ANKRD44: variants seen among roughly 807,000 people sequenced by gnomAD.
The protein encoded by ANKRD44 is ankyrin repeat domain 44.
Under a neutral mutation model 116.0 loss-of-function variants are expected in ANKRD44, and 35 were observed. The observed-to-expected ratio is 0.30, with a 90% CI of 0.23 to 0.40. ANKRD44 has a LOEUF of 0.40. Ranked by LOEUF, ANKRD44 falls within the 10% of genes least tolerant of loss-of-function variation. ANKRD44 has a pLI of 1.00. For synonymous variants in ANKRD44, 435 were observed against 461.8 expected (o/e 0.94, Z 0.74); for missense variants, 1,014 against 1,242.6 (o/e 0.82, Z 2.77).
At chr2:197,159,027 T>C (rs772800451) in intron 2 of ANKRD44, among the ~76,000 whole-genome samples, 1 of 150,478 alleles carries the variant, frequency 6.6e-6, no homozygotes, top group Non-Finnish European at 1.5e-5. Flanking sequence ...ATACACACGG[T>C]ATTAGAAAAA....
chr2:197,146,973 T>G, intron 3 of ANKRD44, 54 bp downstream of exon 3: 3 of 1,514,602 alleles, frequency 2.0e-6, no homozygotes, highest in Non-Finnish European at 2.7e-6. Flanking sequence ...ATCTAGTAAA[T>G]TGGTTATTTA....
chr2:197,186,801 T>C (rs1333530569), intron 2 of ANKRD44, among the ~76,000 whole-genome samples: 1 of 151,886 alleles, frequency 6.6e-6, no homozygotes, highest in Non-Finnish European at 1.5e-5. Context: ...TATTACCATA[T>C]TACAAAGTAT....
At chr2:196,991,547 T>G (rs187080270) in intron 27 of ANKRD44, among the ~76,000 whole-genome samples, 1 of 152,286 alleles carries the variant, frequency 6.6e-6, no homozygotes, top group East Asian at 1.9e-4. Context: ...ACAGGTTGTT[T>G]GTGATTAAAA....
intron 1 of ANKRD44, among the ~76,000 whole-genome samples, chr2:197,231,548 T>C (rs1321965737): frequency 6.6e-6 from 1 of 152,190 alleles, no homozygotes; most frequent in Non-Finnish European, 1.5e-5. Flanking sequence ...TCTAGGCCAG[T>C]GCTTCTCGAC....
intron 8 of ANKRD44, among the ~76,000 whole-genome samples, chr2:197,115,636 G>A (rs1240636620): frequency 1.3e-5 from 2 of 152,260 alleles, no homozygotes; most frequent in South Asian, 2.1e-4. Flanking sequence ...ATGTGGATAG[G>A]TAATGGCTGC....
At chr2:197,240,015 A>C (rs2082056876) in intron 1 of ANKRD44, among the ~76,000 whole-genome samples, 1 of 152,152 alleles carries the variant, frequency 6.6e-6, no homozygotes, top group African/African-American at 2.4e-5. Flanking sequence ...TAATTTCTAC[A>C]TTTCCTAAAA....
chr2:197,103,367 T>C (rs73051310), intron 9 of ANKRD44, among the ~76,000 whole-genome samples: 10,410 of 152,206 alleles, frequency 0.068, 593 homozygotes, highest in African/African-American at 0.15. Flanking sequence ...GTTTTCTTTT[T>C]CAGATATAGA....
chr2:197,249,077 C>A (rs1364159704), intron 1 of ANKRD44, among the ~76,000 whole-genome samples: 2 of 152,002 alleles, frequency 1.3e-5, no homozygotes, highest in Non-Finnish European at 2.9e-5. Context: ...TTGTGACCAG[C>A]CTGGGAAACA....
chr2:197,020,344 T>C (rs1574289495), intron 17 of ANKRD44, among the ~76,000 whole-genome samples: 2 of 152,208 alleles, frequency 1.3e-5, no homozygotes, highest in Non-Finnish European at 2.9e-5. Context: ...TACTTTCTTC[T>C]ATACCAGGCA....
At chr2:197,038,330 A>C (rs1045224293) in intron 16 of ANKRD44, among the ~76,000 whole-genome samples, 1 of 93,078 alleles carries the variant, frequency 1.1e-5, no homozygotes, top group African/African-American at 2.7e-5. Flanking sequence ...TGCGCTTAGA[A>C]AAATAAAAGT....
At chr2:197,190,861 G>A in intron 1 of ANKRD44, among the ~76,000 whole-genome samples, 1 of 152,156 alleles carries the variant, frequency 6.6e-6, no homozygotes, top group East Asian at 1.9e-4. Flanking sequence ...CCAAGCCTTG[G>A]CATATACAGA....
intron 8 of ANKRD44, among the ~76,000 whole-genome samples, chr2:197,113,865 C>A (rs1013654727): frequency 6.6e-6 from 1 of 152,102 alleles, no homozygotes; most frequent in Non-Finnish European, 1.5e-5. Flanking sequence ...TGAGTCCAGG[C>A]TATAGCTGAT....
At chr2:197,023,992 G>A (rs1156277823) in intron 17 of ANKRD44, among the ~76,000 whole-genome samples, 1 of 152,212 alleles carries the variant, frequency 6.6e-6, no homozygotes, top group Non-Finnish European at 1.5e-5. Flanking sequence ...GGGTGTCAGA[G>A]GACGTGTGAG....
At chr2:197,159,321 C>T (rs146345849) in intron 2 of ANKRD44, among the ~76,000 whole-genome samples, 5 of 152,122 alleles carry the variant, frequency 3.3e-5, no homozygotes, top group Admixed American at 2.6e-4. Flanking sequence ...GTTTTCTGGC[C>T]GAAGATATCA....
intron 4 of ANKRD44, among the ~76,000 whole-genome samples, chr2:197,128,498 G>A (rs756349930): frequency 7.2e-5 from 11 of 152,032 alleles, no homozygotes; most frequent in Non-Finnish European, 1.5e-4. Context: ...TTTATTTCTT[G>A]ATAAATTTGT....
chr2:197,122,508 T>C, intron 7 of ANKRD44, 142 bp downstream of exon 7: 1 of 1,044,638 alleles, frequency 9.6e-7, no homozygotes, highest in South Asian at 1.7e-5. Flanking sequence ...CTTCATCAGT[T>C]GCCCACAAAA....
intron 16 of ANKRD44, among the ~76,000 whole-genome samples, chr2:197,034,050 T>TGGAGAGAGAGAGAG (rs138837442): frequency 9.0e-6 from 1 of 110,578 alleles, no homozygotes; most frequent in Non-Finnish European, 1.8e-5. Flanking sequence ...ATATGAGGGC[T>TGGAGAGAGAGAGAG]AGAGAGAGAG....
At chr2:197,020,088 T>C (rs1235279619) in intron 17 of ANKRD44, among the ~76,000 whole-genome samples, 1 of 152,182 alleles carries the variant, frequency 6.6e-6, no homozygotes, top group Non-Finnish European at 1.5e-5. Context: ...AGTGCTGAGA[T>C]TACAGGCGTG....
chr2:197,186,954 A>G (rs143452840), intron 2 of ANKRD44, 69 bp downstream of exon 2: 31,673 of 1,308,756 alleles, frequency 0.024, 481 homozygotes, highest in Admixed American at 0.037. Context: ...CATGGTATAT[A>G]AAAGGTTAAG....
Sources: allele counts gnomAD v4.1 joint callset (sites outside exome capture counted in the v4.1 genomes callset), GRCh38; gene constraint gnomAD v4.1.1; transcripts MANE v1.5; gene names NCBI Gene and HGNC (gene_info 2026-07-23, HGNC 2026-07-21).